CDK5RAP3: variants seen among roughly 807,000 people sequenced by gnomAD.
CDK5RAP3 encodes CDK5 regulatory subunit associated protein 3.
Under a neutral mutation model 73.3 loss-of-function variants are expected in CDK5RAP3, and 58 were observed. The ratio of observed to expected loss-of-function variants is 0.79; its 90% CI spans 0.64 to 0.98. The LOEUF is 0.98. Ranked by LOEUF, CDK5RAP3 falls within the 50% of genes least tolerant of loss-of-function variation. The probability of loss-of-function intolerance (pLI) is 0.00; values close to 1 mark genes in which losing one functional copy is unlikely to be tolerated. For synonymous variants in CDK5RAP3, 224 were observed against 247.5 expected (o/e 0.91, Z 0.89); for missense variants, 525 against 615.8 (o/e 0.85, Z 1.56).
upstream of CDK5RAP3, chr17:47,970,797 A>G (rs1458301599): frequency 4.1e-6 from 6 of 1,453,406 alleles, 1 homozygote; most frequent in Admixed American, 1.0e-4. Context: ...GAGAAGACCC[A>G]GTGCCCGCCA....
chr17:47,970,937 G>C (rs2036243607), upstream of CDK5RAP3: 28 of 1,451,450 alleles, frequency 1.9e-5, no homozygotes, highest in Non-Finnish European at 2.4e-5. Context: ...CCATTCTCCC[G>C]CCCCTCCCGA....
chr17:47,978,726 A>C, intron 10 of CDK5RAP3, 103 bp from the exon 11 acceptor site: 1 of 862,142 alleles, frequency 1.2e-6, no homozygotes, highest in Admixed American at 1.9e-5. Context: ...GCTTTAGCAC[A>C]GTGAGTCTGT....
chr17:47,970,808 G>C, upstream of CDK5RAP3: 1 of 1,436,006 alleles, frequency 7.0e-7, no homozygotes. Flanking sequence ...GTGCCCGCCA[G>C]GGGAAGCGGC....
At chr17:47,978,328 C>T (rs1354491060) in intron 10 of CDK5RAP3, among the ~76,000 whole-genome samples, 2 of 152,012 alleles carry the variant, frequency 1.3e-5, no homozygotes, top group Non-Finnish European at 2.9e-5. Flanking sequence ...GCCTCGGCCT[C>T]CCAAATGCTG....
At position 47,971,488 on chromosome 17, in the gene CDK5RAP3, T is replaced by C. The variant is rs1157149038; in HGVS notation, c.52+81T>C. On this transcript the variant is annotated intron_variant, in intron 2 of 13. Transcript: ENST00000338399. ...CCCTGTGTCCAATAGCCGGGAGCTC[T>C]GACCCCTGAAAGCCTGAGTCGAGAT... 1.3e-5 allele frequency: 18 copies of C among 1,375,212 alleles called. No individual in the cohort carries two copies. The East Asian group carries it at 4.3e-4, about 33-fold the overall frequency. The allele number at this position is 1,375,212 out of a possible 1,614,324, so 85.2% of individuals were successfully genotyped here. A position where few individuals can be genotyped will look rare whatever the true frequency, so the allele number is the denominator to read the frequency against.
At chr17:47,971,231 G>T in intron 1 of CDK5RAP3, 79 bp downstream of exon 1, 1 of 1,529,310 alleles carries the variant, frequency 6.5e-7, no homozygotes, top group Non-Finnish European at 8.8e-7. Context: ...TCCGGAAGCG[G>T]CTCAACCCAG....
At position 47,974,459 on chromosome 17, in the gene CDK5RAP3, C is replaced by G. The variant is rs748162670; in HGVS notation, c.334+11C>G. 2 of 1,614,148 alleles carry G rather than the reference C, an allele frequency of 1.2e-6. No homozygotes were observed. Among genetic ancestry groups the G allele is most frequent in the East Asian group, 4.5e-5 (2 of 44,894 alleles). On this transcript the variant is annotated intron_variant, in intron 5 of 13. Transcript: ENST00000338399. ...ACAACACCTACTTAGGTAAAGTGGC[C>G]CGGCCTGGGAGCCCTGGTATCCATG...
At chr17:47,970,436 G>A, upstream of CDK5RAP3, 1 of 535,216 alleles carries the variant, frequency 1.9e-6, no homozygotes, top group Non-Finnish European at 3.4e-6. Flanking sequence ...CACCCCTCTT[G>A]CAGTTTGTGG....
In CDK5RAP3 at chr17:47,975,192, A is replaced by G. The variant is rs1352242102; in HGVS notation, c.368A>G (p.Asn123Ser). Reference protein sequence around the residue: ...ELSSLLVRNVNYEIPSLKKQI... With the variant: ...ELSSLLVRNVSYEIPSLKKQI... ...TCTAGCCTCCTGGTTCGGAATGTCA[A>G]CTATGAGATCCCCTCACTGAAGAAG... The change falls in exon 6 of 14, where the codon AAC becomes AGC. Residue 123 changes from asparagine (N) to serine (S), a missense_variant. Coordinates refer to ENST00000338399, the MANE Select transcript of CDK5RAP3 (RefSeq NM_176096.3). The G allele has an allele frequency of 1.5e-5, 24 of 1,614,056 alleles. No homozygotes were observed. Among genetic ancestry groups the G allele is most frequent in the Non-Finnish European group, 2.0e-5 (24 of 1,180,036 alleles).
chr17:47,973,097 C>T (rs780238170), intron 2 of CDK5RAP3, among the ~76,000 whole-genome samples: 2 of 152,212 alleles, frequency 1.3e-5, no homozygotes, highest in Non-Finnish European at 2.9e-5. Flanking sequence ...TCATCCAGTA[C>T]TTGGCATAAC....
At chr17:47,976,959 CA>C (rs918232134) in intron 9 of CDK5RAP3, 137 bp downstream of exon 9, 15 of 504,944 alleles carry the variant, frequency 3.0e-5, no homozygotes, top group Admixed American at 1.9e-4. Context: ...CAGAGTTTCA[CA>C]CGTCACATGT....
At chr17:47,971,256 C>T in intron 1 of CDK5RAP3, 104 bp downstream of exon 1, 1 of 1,537,210 alleles carries the variant, frequency 6.5e-7, no homozygotes, top group Non-Finnish European at 8.8e-7. Flanking sequence ...TCGCTCTGGC[C>T]CCGTTCTGGC....
rs1308153161 is a variant in CDK5RAP3, at chr17:47,981,666, T to G, written c.*164T>G. The G allele has an allele frequency of 6.5e-7, 1 of 1,540,210 alleles. No homozygotes were observed. The highest frequency in any genetic ancestry group is 2.4e-5 in the East Asian group (1 of 41,058). The stretch of plus-strand genomic sequence containing the variant: ...GATGGTGATCTTGGCACTCTCCATG[T>G]TCTCTACAAGAAGCTGTGGTGATTG... On this transcript the variant is annotated 3_prime_UTR_variant, in exon 14 of 14. Coordinates refer to ENST00000338399, the MANE Select transcript of CDK5RAP3 (RefSeq NM_176096.3).
intron 3 of CDK5RAP3, 84 bp from the exon 4 acceptor site, chr17:47,973,847 T>C: frequency 8.2e-7 from 1 of 1,224,904 alleles, no homozygotes; most frequent in South Asian, 1.2e-5. Flanking sequence ...TGGCAGTATA[T>C]TATACATGAA....
chr17:47,970,031 C>T (rs1046080908), upstream of CDK5RAP3, among the ~76,000 whole-genome samples: 1 of 152,168 alleles, frequency 6.6e-6, no homozygotes, highest in African/African-American at 2.4e-5. Context: ...CCCCTTCCTC[C>T]TCATATCTTG....
chr17:47,973,410 C>T (rs1342873846), intron 2 of CDK5RAP3, 109 bp from the exon 3 acceptor site: 83 of 1,301,062 alleles, frequency 6.4e-5, no homozygotes, highest in Non-Finnish European at 8.5e-5. Flanking sequence ...CATACTTTAA[C>T]CAATGTAAAG....
At chr17:47,973,706 A>T in intron 3 of CDK5RAP3, 56 bp downstream of exon 3, 1 of 1,599,308 alleles carries the variant, frequency 6.3e-7, no homozygotes, top group Non-Finnish European at 8.6e-7. Context: ...AGTATGTATC[A>T]GCTGAGCTAC....
intron 12 of CDK5RAP3, 37 bp from the exon 13 acceptor site, chr17:47,981,126 A>G (rs2036542676): frequency 6.3e-7 from 1 of 1,586,234 alleles, no homozygotes; most frequent in Admixed American, 1.8e-5. Context: ...CTCAGGATGC[A>G]CAGCTAACCC....
intron 7 of CDK5RAP3, 66 bp downstream of exon 7, chr17:47,975,719 T>C (rs753201423): frequency 3.2e-6 from 5 of 1,565,362 alleles, no homozygotes; most frequent in Non-Finnish European, 3.5e-6. Flanking sequence ...ATGACCCTTC[T>C]CCAGTTGTCT....
Sources: gnomAD v4.1 joint callset for allele counts (sites outside exome capture counted in the v4.1 genomes callset) on GRCh38, gnomAD v4.1.1 for gene constraint, MANE v1.5 for transcripts, NCBI Gene and HGNC (gene_info 2026-07-23, HGNC 2026-07-21) for gene names.